Variants in LRBA observed in about 807,000 individuals in gnomAD.
The protein encoded by LRBA is lipopolysaccharide-responsive and beige-like anchor protein.
A neutral mutation model predicts 330.0 loss-of-function variants in LRBA; 176 were observed. The observed-to-expected ratio is 0.53, with a 90% CI of 0.47 to 0.60. The LOEUF is 0.60. LRBA is among the 20% of genes least tolerant of loss of function. The pLI, the probability that LRBA is intolerant of heterozygous loss-of-function variation, is 0.00. For missense variants in LRBA, 3,259 were observed against 3,444.8 expected, an observed-to-expected ratio of 0.95 and a Z score of 1.35; for synonymous variants, 1,230 against 1,193.0, an observed-to-expected ratio of 1.03 and a Z score of -0.64.
At chr4:150,274,413 G>A (rs1285415621) in intron 56 of LRBA, among the ~76,000 whole-genome samples, 2 of 152,078 alleles carry the variant, frequency 1.3e-5, no homozygotes, top group East Asian at 3.9e-4. Context: ...AGAAGGAAGA[G>A]CAAACACATT....
intron 2 of LRBA, among the ~76,000 whole-genome samples, chr4:150,943,552 G>A (rs1260675819): frequency 2.0e-5 from 3 of 152,086 alleles, no homozygotes; most frequent in Non-Finnish European, 4.4e-5. Flanking sequence ...ATAGGCAGCT[G>A]GATGAATAAA....
chr4:150,918,830 C>T (rs1579201747), intron 5 of LRBA, among the ~76,000 whole-genome samples: 1 of 152,064 alleles, frequency 6.6e-6, no homozygotes, highest in Admixed American at 6.6e-5. Flanking sequence ...GCTGTGGGAT[C>T]GTAAAATGTT....
chr4:150,485,941 G>C (rs1229810383), intron 42 of LRBA, among the ~76,000 whole-genome samples: 3 of 151,898 alleles, frequency 2.0e-5, no homozygotes, highest in Non-Finnish European at 2.9e-5. Context: ...AGGAGTGGGG[G>C]AAATGGGGAG....
chr4:150,785,578 T>C (rs1738930705), intron 34 of LRBA, among the ~76,000 whole-genome samples: 1 of 152,184 alleles, frequency 6.6e-6, no homozygotes, highest in Non-Finnish European at 1.5e-5. Context: ...AAAAGCAAGA[T>C]GGAGTTGGTT....
At chr4:150,922,006 A>C (rs975079644) in intron 4 of LRBA, among the ~76,000 whole-genome samples, 5 of 152,078 alleles carry the variant, frequency 3.3e-5, no homozygotes, top group African/African-American at 1.2e-4. Flanking sequence ...TACAGGCGTA[A>C]GCCACTGTGC....
At chr4:150,978,223 A>T (rs184933207) in intron 2 of LRBA, among the ~76,000 whole-genome samples, 4 of 152,394 alleles carry the variant, frequency 2.6e-5, no homozygotes, top group Non-Finnish European at 4.4e-5. Flanking sequence ...TGTTTGGGAC[A>T]AAGTAATGGA....
intron 34 of LRBA, among the ~76,000 whole-genome samples, chr4:150,770,006 G>T (rs1463001075): frequency 6.6e-6 from 1 of 152,180 alleles, no homozygotes; most frequent in Admixed American, 6.5e-5. Flanking sequence ...TGTCTGTGAG[G>T]TTGTTCCACA....
intron 48 of LRBA, among the ~76,000 whole-genome samples, chr4:150,333,306 T>A (rs976631793): frequency 1.3e-5 from 2 of 152,122 alleles, no homozygotes; most frequent in African/African-American, 4.8e-5. Context: ...TATGCCCTTT[T>A]TTTTAAGCAC....
At chr4:150,702,023 T>C (rs1785170173) in intron 36 of LRBA, among the ~76,000 whole-genome samples, 2 of 152,030 alleles carry the variant, frequency 1.3e-5, no homozygotes, top group Non-Finnish European at 2.9e-5. Flanking sequence ...CAGAAAACTA[T>C]AGGGGAAAAA....
chr4:150,753,398 T>TTA (rs1233609720), intron 35 of LRBA, among the ~76,000 whole-genome samples: 1 of 152,206 alleles, frequency 6.6e-6, no homozygotes, highest in Non-Finnish European at 1.5e-5. Flanking sequence ...CATTTTATTT[T>TTA]TATTTTACTC....
intron 36 of LRBA, among the ~76,000 whole-genome samples, chr4:150,725,273 AAAG>A (rs1560733848): frequency 6.6e-6 from 1 of 152,128 alleles, no homozygotes; most frequent in Non-Finnish European, 1.5e-5. Flanking sequence ...CAGCAAGCAG[AAAG>A]AAGATTACCT....
chr4:150,590,617 A>G (rs574922786), intron 39 of LRBA, 96 bp downstream of exon 39: 2 of 1,041,622 alleles, frequency 1.9e-6, no homozygotes, highest in Middle Eastern at 4.3e-4. Context: ...GTGGGTATAA[A>G]CTTGGTAGTC....
chr4:150,373,293 T>C (rs1216301950), intron 47 of LRBA, among the ~76,000 whole-genome samples: 1 of 152,110 alleles, frequency 6.6e-6, no homozygotes, highest in Non-Finnish European at 1.5e-5. Context: ...ATTGTTGTTC[T>C]AGCTGTTGTA....
intron 36 of LRBA, among the ~76,000 whole-genome samples, chr4:150,699,289 G>A (rs1341268076): frequency 6.6e-6 from 1 of 152,128 alleles, no homozygotes; most frequent in Admixed American, 6.6e-5. Flanking sequence ...TGTGGCCTAT[G>A]AATCCTAGGA....
chr4:150,872,782 C>A, intron 17 of LRBA, 27 bp from the exon 18 acceptor site: 1 of 1,177,482 alleles, frequency 8.5e-7, no homozygotes, highest in Non-Finnish European at 1.2e-6. Context: ...TTAAAACAAA[C>A]TATTTTGAGT....
At chr4:150,705,178 T>C (rs1052568909) in intron 36 of LRBA, among the ~76,000 whole-genome samples, 1 of 152,176 alleles carries the variant, frequency 6.6e-6, no homozygotes, top group African/African-American at 2.4e-5. Context: ...TAAGAGCCGG[T>C]AACCGTCTAG....
At chr4:150,559,874 ATTAT>A (rs1561352354) in intron 40 of LRBA, among the ~76,000 whole-genome samples, 2 of 18,410 alleles carry the variant, frequency 1.1e-4, no homozygotes, top group African/African-American at 1.5e-4. Context: ...ATAATATATA[ATTAT>A]ATATAATTAT....
intron 47 of LRBA, among the ~76,000 whole-genome samples, chr4:150,369,828 C>T (rs1271581852): frequency 6.6e-6 from 1 of 152,088 alleles, no homozygotes; most frequent in East Asian, 1.9e-4. Flanking sequence ...GTCCTCCATG[C>T]CTTTATAAGA....
At chr4:150,331,994 G>C (rs1734062908) in intron 48 of LRBA, among the ~76,000 whole-genome samples, 1 of 152,082 alleles carries the variant, frequency 6.6e-6, no homozygotes. Context: ...GAGTTGTGAG[G>C]ATTAAATGAG....
Sources: gnomAD v4.1 joint callset for allele counts (sites outside exome capture counted in the v4.1 genomes callset) on GRCh38, gnomAD v4.1.1 for gene constraint, MANE v1.5 for transcripts, NCBI Gene and HGNC (gene_info 2026-07-23, HGNC 2026-07-21) for gene names.